The following ASAP2 variants were observed in gnomAD, a reference collection of about 807,000 sequenced individuals.
ASAP2 encodes arf-GAP with SH3 domain, ANK repeat and PH domain-containing protein 2.
ASAP2 carries 45 observed loss-of-function variants against 131.4 expected under a neutral mutation model. That is an observed-to-expected ratio of 0.34 (90% CI 0.27 to 0.44). The LOEUF (loss-of-function observed/expected upper bound fraction) is 0.44, where lower values mean the gene tolerates loss of function less well. Among genes scored for constraint, ASAP2 ranks in the 20% least tolerant of loss-of-function variants. The pLI is 1.00. For missense variants in ASAP2, 1,011 were observed against 1,297.0 expected (o/e 0.78, Z 3.39); for synonymous variants, 510 against 503.0 (o/e 1.01, Z -0.19).
At chr2:9,401,527 C>A in intron 27 of ASAP2, 131 bp downstream of exon 27, 1 of 1,219,616 alleles carries the variant, frequency 8.2e-7, no homozygotes, top group Non-Finnish European at 1.1e-6. Flanking sequence ...GGTGCCTCCG[C>A]CCCTTAGCAT....
At chr2:9,287,747 C>T (rs746939292) in intron 2 of ASAP2, among the ~76,000 whole-genome samples, 7 of 151,850 alleles carry the variant, frequency 4.6e-5, no homozygotes, top group Non-Finnish European at 1.0e-4. Flanking sequence ...AGATGTCTTC[C>T]AGTTGTGAGA....
chr2:9,341,354 C>A (rs189874925), intron 9 of ASAP2, among the ~76,000 whole-genome samples: 83 of 152,250 alleles, frequency 5.5e-4, no homozygotes, highest in African/African-American at 1.9e-3. Flanking sequence ...TTATATTCCT[C>A]TTTTTTACAA....
At chr2:9,293,996 A>AT (rs557969541) in intron 2 of ASAP2, among the ~76,000 whole-genome samples, 7,296 of 139,540 alleles carry the variant, frequency 0.052, 518 homozygotes, top group African/African-American at 0.16. Context: ...AAGGACAAGA[A>AT]TTTTTTTTTT....
intron 9 of ASAP2, among the ~76,000 whole-genome samples, chr2:9,342,007 T>C (rs555102893): frequency 7.2e-5 from 11 of 152,290 alleles, no homozygotes; most frequent in African/African-American, 2.6e-4. Context: ...TGGTTTTTCT[T>C]TTTTGGCAGA....
At chr2:9,368,217 C>G (rs868525569) in intron 15 of ASAP2, among the ~76,000 whole-genome samples, 1 of 152,184 alleles carries the variant, frequency 6.6e-6, no homozygotes, top group Non-Finnish European at 1.5e-5. Context: ...TATGACAATG[C>G]GTCTCTGTAA....
At chr2:9,295,187 C>T (rs549779207) in intron 2 of ASAP2, among the ~76,000 whole-genome samples, 6 of 152,202 alleles carry the variant, frequency 3.9e-5, no homozygotes, top group African/African-American at 9.6e-5. Flanking sequence ...AACTTTTTAA[C>T]GATGAAAACA....
At chr2:9,287,218 A>G (rs13411008) in intron 2 of ASAP2, among the ~76,000 whole-genome samples, 52,848 of 152,184 alleles carry the variant, frequency 0.35, 9,470 homozygotes, top group African/African-American at 0.4. Flanking sequence ...AACGTGGGGA[A>G]CACCCTACGT....
At chr2:9,215,742 T>C (rs534468866) in intron 1 of ASAP2, among the ~76,000 whole-genome samples, 2 of 151,850 alleles carry the variant, frequency 1.3e-5, no homozygotes, top group South Asian at 4.2e-4. Flanking sequence ...TTCATAATTA[T>C]TATACTGTCC....
rs142056712 is a variant in ASAP2, at chr2:9,271,992, C to A, written c.127-7325C>A. 2.6e-3 allele frequency among the ~76,000 whole-genome samples: 394 copies of A among 152,124 alleles called. 1 individual carries two copies. The highest frequency in any genetic ancestry group is 9.1e-3 in the African/African-American group (379 of 41,488). ...CACTTAGATTGTTTCCAAATCTTGG[C>A]CATTGTGAACAGTGCTGCAGTAAAC... On this transcript the variant is annotated intron_variant, in intron 1 of 27. Coordinates refer to ENST00000281419, the MANE Select transcript of ASAP2 (RefSeq NM_003887.3).
chr2:9,227,540 G>A (rs929367571), intron 1 of ASAP2, among the ~76,000 whole-genome samples: 17 of 152,132 alleles, frequency 1.1e-4, no homozygotes, highest in African/African-American at 4.1e-4. Flanking sequence ...GGGTGGGACA[G>A]GGCTCATGCA....
At position 9,356,318 on chromosome 2, in the gene ASAP2, G is replaced by C. The variant is rs1392150796; in HGVS notation, c.1300G>C (p.Asp434His). 1 of 1,606,812 alleles carries C rather than the reference G, an allele frequency of 6.2e-7. No homozygotes were observed. The highest frequency in any genetic ancestry group is 1.3e-5 in the African/African-American group (1 of 74,798). ...AGAAGTGCAGAGGATGACGGGCAAT[G>C]ACGTCTGCTGTGACTGTGGGGCGCC... ...ISEVQRMTGN[D>H]VCCDCGAPDP... The change falls in exon 14 of 28, where the codon GAC (aspartate) becomes CAC (histidine). Residue 434 changes from aspartate (D) to histidine (H), a missense_variant. Transcript: ENST00000281419.
rs140732073 is a variant in ASAP2 at position 9,304,194 on chromosome 2, C to G, written c.345+6749C>G. Among the ~76,000 whole-genome samples, 152 of 152,180 alleles carry G rather than the reference C, an allele frequency of 1.0e-3. 1 individual carries two copies. The highest frequency in any genetic ancestry group is 3.2e-3 in the African/African-American group (131 of 41,518). ...GGCACTTGTCCATCTGCACACAAGC[C>G]TGCTTGCAAGGTTTAGAAATCAGTT... On this transcript the variant is annotated intron_variant, in intron 3 of 27. Coordinates refer to ENST00000281419, the MANE Select transcript of ASAP2 (RefSeq NM_003887.3).
chr2:9,344,899 T>A, intron 11 of ASAP2, 99 bp downstream of exon 11: 2 of 1,034,326 alleles, frequency 1.9e-6, no homozygotes, highest in Admixed American at 3.9e-5. Flanking sequence ...TCTCCGTGTG[T>A]GATGGTATTA....
At chr2:9,267,897 C>CAA (rs34716225) in intron 1 of ASAP2, among the ~76,000 whole-genome samples, 2,616 of 64,920 alleles carry the variant, frequency 0.04, 143 homozygotes, top group African/African-American at 0.091. Context: ...GACTCTATCT[C>CAA]AAAAAAAAAA....
intron 1 of ASAP2, among the ~76,000 whole-genome samples, chr2:9,215,682 G>A (rs1292748876): frequency 1.7e-5 from 1 of 58,534 alleles, no homozygotes; most frequent in Non-Finnish European, 3.5e-5. Context: ...TTTTTTTTTT[G>A]GAGTGATGGA....
chr2:9,320,004 G>A (rs954218505), intron 4 of ASAP2, among the ~76,000 whole-genome samples: 1 of 152,204 alleles, frequency 6.6e-6, no homozygotes, highest in Non-Finnish European at 1.5e-5. Flanking sequence ...AGGGAGTAGG[G>A]CACAGGTGAC....
At chr2:9,283,518 C>G (rs1456279286) in intron 2 of ASAP2, among the ~76,000 whole-genome samples, 1 of 152,220 alleles carries the variant, frequency 6.6e-6, no homozygotes, top group African/African-American at 2.4e-5. Context: ...CCTTTTCCTG[C>G]TCCTAGAGGC....
chr2:9,334,624 T>TC, intron 7 of ASAP2, 114 bp from the exon 8 acceptor site: 1 of 850,718 alleles, frequency 1.2e-6, no homozygotes, highest in South Asian at 1.7e-5. Context: ...TACAGTCTTT[T>TC]CCCCCAGGAG....
At chr2:9,306,936 T>C (rs954041615) in intron 3 of ASAP2, among the ~76,000 whole-genome samples, 4 of 151,946 alleles carry the variant, frequency 2.6e-5, no homozygotes, top group African/African-American at 9.7e-5. Flanking sequence ...TTCTTAGAAT[T>C]CCAGCCTCTC....
Sources: gnomAD v4.1 joint callset for allele counts (sites outside exome capture counted in the v4.1 genomes callset) on GRCh38, gnomAD v4.1.1 for gene constraint, MANE v1.5 for transcripts, NCBI Gene and HGNC (gene_info 2026-07-23, HGNC 2026-07-21) for gene names.